COL27A1: variants seen among roughly 807,000 people sequenced by gnomAD.
COL27A1 encodes the protein collagen alpha-1(XXVII) chain.
In COL27A1, 106 loss-of-function variants were observed where a neutral mutation model predicts 251.3. That is an observed-to-expected ratio of 0.42 (90% CI 0.36 to 0.50). The LOEUF is 0.50. COL27A1 is among the 20% of genes least tolerant of loss of function. The pLI is 0.00. For missense variants in COL27A1, 2,325 were observed against 2,522.8 expected (o/e 0.92, Z 1.68); for synonymous variants, 1,000 against 986.3 (o/e 1.01, Z -0.26).
chr9:114,249,089 G>A (rs1034295733), intron 24 of COL27A1, among the ~76,000 whole-genome samples: 1 of 152,198 alleles, frequency 6.6e-6, no homozygotes, highest in Non-Finnish European at 1.5e-5. Context: ...TTCTGCAGAT[G>A]AGGCTCAGAG....
intron 19 of COL27A1, among the ~76,000 whole-genome samples, chr9:114,238,173 A>G (rs150526633): frequency 6.6e-6 from 1 of 152,364 alleles, no homozygotes; most frequent in African/African-American, 2.4e-5. Flanking sequence ...TGAATGAAGA[A>G]TGAGAAATAA....
chr9:114,206,234 C>T lies in COL27A1; in HGVS notation c.2224-18C>T. On this transcript the variant is annotated intron_variant, in intron 9 of 60. Transcript: ENST00000356083. ...AGCGTCTCCATATGTCCTTGCCCCT[C>T]TGTGTTTTGTGTTTCAGGGGTTACC... 2 of 1,613,970 alleles carry T rather than the reference C, an allele frequency of 1.2e-6. No individual in the cohort carries two copies. Among genetic ancestry groups the T allele is most frequent in the South Asian group, 2.2e-5 (2 of 91,062 alleles).
At position 114,265,556 on chromosome 9, in the gene COL27A1, G is replaced by A; in HGVS notation, c.3393+81G>A. ...GGGCCAGGTGGTCAGATAAGGAGAA[G>A]GGTTGGAAAGGGACCATGCCTGGCC... On this transcript the variant is annotated intron_variant, in intron 32 of 60. Transcript: ENST00000356083. 2.9e-6 allele frequency: 4 copies of A among 1,402,004 alleles called. No homozygotes were observed. In the South Asian group the frequency reaches 4.7e-5, roughly 17 times the overall value. The allele number at this position is 1,402,004 out of a possible 1,614,324, so 86.8% of individuals were successfully genotyped here.
intron 1 of COL27A1, among the ~76,000 whole-genome samples, chr9:114,159,813 G>A (rs1213519199): frequency 6.6e-6 from 1 of 152,192 alleles, no homozygotes; most frequent in East Asian, 1.9e-4. Flanking sequence ...GGAAGTACCT[G>A]CCTTCCCTGA....
chr9:114,224,341 CTTTG>C (rs1478847305), intron 14 of COL27A1, among the ~76,000 whole-genome samples: 1 of 152,166 alleles, frequency 6.6e-6, no homozygotes, highest in Non-Finnish European at 1.5e-5. Context: ...ACAGAGCTCT[CTTTG>C]TTTGGAGTTT....
chr9:114,222,092 C>T (rs923939994), intron 13 of COL27A1, 131 bp from the exon 14 acceptor site: 2 of 714,758 alleles, frequency 2.8e-6, no homozygotes, highest in Non-Finnish European at 2.4e-6. Context: ...GTCGCTGGAG[C>T]CTGTGGTCAG....
Position 114,169,476 on chromosome 9 carries a change from G to A in COL27A1, c.1908+13G>A, listed in dbSNP as rs1849159231. The A allele has an allele frequency of 6.6e-7, 1 of 1,514,324 alleles. No individual in the cohort carries two copies. The highest frequency in any genetic ancestry group is 8.8e-7 in the Non-Finnish European group (1 of 1,134,658). The allele number at this position is 1,514,324 out of a possible 1,614,324, so 93.8% of individuals were successfully genotyped here. A position where few individuals can be genotyped will look rare whatever the true frequency, so the allele number is the denominator to read the frequency against. On this transcript the variant is annotated intron_variant, in intron 3 of 60. Transcript: ENST00000356083. ...CTGTGGCTTGCCGGTAAGACTGAGT[G>A]GGGTCTGCATGCTGCTTGGAGCTCC...
intron 37 of COL27A1, among the ~76,000 whole-genome samples, chr9:114,279,816 G>A (rs766908625): frequency 6.6e-6 from 1 of 152,038 alleles, no homozygotes; most frequent in African/African-American, 2.4e-5. Context: ...TTGAGCCACT[G>A]TGTTCCAGCC....
intron 2 of COL27A1, among the ~76,000 whole-genome samples, chr9:114,163,661 G>A (rs1424427751): frequency 1.3e-5 from 2 of 152,230 alleles, no homozygotes; most frequent in Non-Finnish European, 2.9e-5. Context: ...GGGGCAGGCA[G>A]CCCGGCACGC....
At chr9:114,237,559 C>A in intron 18 of COL27A1, 103 bp from the exon 19 acceptor site, 1 of 968,908 alleles carries the variant, frequency 1.0e-6, no homozygotes, top group Non-Finnish European at 1.7e-6. Context: ...TATGCACATG[C>A]TTCTGAACTT....
chr9:114,163,596 G>T (rs568081178), intron 2 of COL27A1, among the ~76,000 whole-genome samples: 2 of 152,126 alleles, frequency 1.3e-5, no homozygotes, highest in African/African-American at 2.4e-5. Context: ...TCAAGCAGCC[G>T]CATGCCTCTG....
chr9:114,211,413 G>A (rs1195521984), intron 12 of COL27A1, among the ~76,000 whole-genome samples: 2 of 152,220 alleles, frequency 1.3e-5, no homozygotes, highest in Non-Finnish European at 1.5e-5. Flanking sequence ...TCTCCACATC[G>A]TCTTGGTGTC....
chr9:114,168,684 A>G lies in COL27A1; in HGVS notation c.1129A>G (p.Thr377Ala). Residue 377 changes from threonine to alanine, a missense_variant, in exon 3 of 61, where the codon ACT becomes GCT. Coordinates refer to ENST00000356083, the MANE Select transcript of COL27A1 (RefSeq NM_032888.4). ...SLPTKPSAPS[T>A]SIVPIKSPHP... ...CCCTACCAAGCCTTCGGCCCCTTCT[A>G]CTTCAATTGTGCCCATCAAAAGCCC... 1 of 1,614,026 alleles carries G rather than the reference A, an allele frequency of 6.2e-7. No homozygotes were observed. The highest frequency in any genetic ancestry group is 8.5e-7 in the Non-Finnish European group (1 of 1,180,002).
rs184388865 is a variant in COL27A1, at chr9:114,296,593, A to G, written c.4585-3477A>G. Reference sequence around the variant, plus strand: ...AGACATGGGGAAACTGAAACTTTCAAATGCTGATAATGGGAATTTAAAGTG... The same window carrying G: ...AGACATGGGGAAACTGAAACTTTCAGATGCTGATAATGGGAATTTAAAGTG... On this transcript the variant is annotated intron_variant, in intron 49 of 60. Coordinates refer to ENST00000356083, the MANE Select transcript of COL27A1 (RefSeq NM_032888.4). Among the ~76,000 whole-genome samples the G allele has an allele frequency of 3.9e-5, 6 of 152,372 alleles. No individual in the cohort carries two copies. The East Asian group carries it at 9.6e-4, about 24-fold the overall frequency.
Position 114,301,098 on chromosome 9 carries a change from C to A in COL27A1, c.4728C>A (p.Leu1576=). 6.2e-7 allele frequency: 1 copy of A among 1,613,126 alleles called. No homozygotes were observed. Among genetic ancestry groups the A allele is most frequent in the Non-Finnish European group, 8.5e-7 (1 of 1,179,516 alleles). ...GAAAGGAAGGCATCGTCGGGCCCCTCGGAATCCTGGGACCTTCGGGACTCC... is the reference window on the plus strand; with the variant it reads ...GAAAGGAAGGCATCGTCGGGCCCCTAGGAATCCTGGGACCTTCGGGACTCC... The part of the protein sequence containing the change: ...LMGKEGIVGP[L]GILGPSGLPG... Residue 1576 remains leucine (L), a synonymous_variant, in exon 52 of 61, where the codon CTC becomes CTA. Coordinates refer to ENST00000356083, the MANE Select transcript of COL27A1 (RefSeq NM_032888.4).
chr9:114,284,793 G>T lies in COL27A1; in HGVS notation c.3987+16G>T, dbSNP rs764090980. 6.2e-7 allele frequency: 1 copy of T among 1,614,076 alleles called. No individual in the cohort carries two copies. Among genetic ancestry groups the T allele is most frequent in the Admixed American group, 1.7e-5 (1 of 60,028 alleles). On this transcript the variant is annotated intron_variant, in intron 41 of 60. Transcript: ENST00000356083. ...AGGCGAAAAGGTGGGTGTTTGCTCT[G>T]GGGAAAGCAGCTGCACCCTCGTGTC...
rs573075674 is a variant in COL27A1 at position 114,309,163 on chromosome 9, G to T, written c.5218-97G>T. On this transcript the variant is annotated intron_variant, in intron 59 of 60. Coordinates refer to ENST00000356083, the MANE Select transcript of COL27A1 (RefSeq NM_032888.4). ...TATCAGGAAATGCTTGCCAGGAAGG[G>T]GCCTATCCCTGTTCCCTCCATAGAG... 1.3e-5 allele frequency: 12 copies of T among 957,186 alleles called. No homozygotes were observed. The East Asian group carries it at 2.6e-4, about 21-fold the overall frequency. 59.3% of individuals were successfully genotyped at this position (957,186 alleles called of 1,614,324 possible).
chr9:114,156,242 G>A (rs1156779578), intron 1 of COL27A1, among the ~76,000 whole-genome samples: 1 of 150,606 alleles, frequency 6.6e-6, no homozygotes, highest in Non-Finnish European at 1.5e-5. Context: ...GCCCGATCCC[G>A]TTGGGGCGGG....
intron 48 of COL27A1, 97 bp from the exon 49 acceptor site, chr9:114,292,006 G>A (rs1827953409): frequency 9.4e-7 from 1 of 1,061,204 alleles, no homozygotes; most frequent in African/African-American, 1.6e-5. Flanking sequence ...GGTACCCTGT[G>A]GAATCACTGT....
Sources: gnomAD v4.1 joint callset for allele counts (sites outside exome capture counted in the v4.1 genomes callset) on GRCh38, gnomAD v4.1.1 for gene constraint, MANE v1.5 for transcripts, NCBI Gene and HGNC (gene_info 2026-07-23, HGNC 2026-07-21) for gene names.